The following LPA variants were observed in gnomAD, a reference collection of about 807,000 sequenced individuals.
The protein encoded by LPA is apolipoprotein(a).
In LPA, 199 loss-of-function variants were observed where a neutral mutation model predicts 197.9. That is an observed-to-expected ratio of 1.01 (90% confidence interval 0.90 to 1.13). The LOEUF is 1.13. LPA is among the 50% of genes most tolerant of loss of function. The probability of loss-of-function intolerance (pLI) is 0.00; values close to 1 mark genes in which losing one functional copy is unlikely to be tolerated. For missense variants in LPA, 1,853 were observed against 1,785.8 expected (o/e 1.04, Z -0.68); for synonymous variants, 715 against 639.5 (o/e 1.12, Z -1.78).
intron 28 of LPA, among the ~76,000 whole-genome samples, chr6:160,569,488 G>A (rs1320792499): frequency 2.7e-5 from 4 of 150,018 alleles, no homozygotes; most frequent in African/African-American, 9.7e-5. Flanking sequence ...AATTCAAGAT[G>A]GATTAAAGAC....
chr6:160,555,436 C>CAT (rs770158265), intron 30 of LPA, among the ~76,000 whole-genome samples: 3,631 of 121,942 alleles, frequency 0.03, 124 homozygotes, highest in Middle Eastern at 0.08. Flanking sequence ...TTCCCTAGAA[C>CAT]ATATATATAT....
At chr6:160,551,923 T>TC (rs200392037) in intron 30 of LPA, among the ~76,000 whole-genome samples, 2,937 of 151,618 alleles carry the variant, frequency 0.019, 84 homozygotes, top group African/African-American at 0.067. Flanking sequence ...CTTTTTTTTT[T>TC]TTTTTTTTGA....
intron 25 of LPA, among the ~76,000 whole-genome samples, chr6:160,585,927 A>G (rs1778902087): frequency 6.6e-6 from 1 of 152,122 alleles, no homozygotes; most frequent in Non-Finnish European, 1.5e-5. Context: ...CATGCCCAAG[A>G]TGAAGGTAGG....
chr6:160,641,161 C>A (rs1779847871), intron 4 of LPA, among the ~76,000 whole-genome samples: 1 of 116,212 alleles, frequency 8.6e-6, no homozygotes, highest in Non-Finnish European at 1.8e-5. Context: ...GCCTTCTGCC[C>A]AATCCATCTC....
intron 16 of LPA, among the ~76,000 whole-genome samples, chr6:160,609,458 TTTC>T (rs1285496081): frequency 2.6e-5 from 4 of 152,180 alleles, no homozygotes; most frequent in Non-Finnish European, 5.9e-5. Context: ...TCGTGAGATG[TTTC>T]TTCTTCTTAT....
At chr6:160,592,966 GC>G (rs1407517186) in intron 22 of LPA, among the ~76,000 whole-genome samples, 9 of 152,150 alleles carry the variant, frequency 5.9e-5, no homozygotes, top group African/African-American at 2.2e-4. Flanking sequence ...TTCCCCAGTA[GC>G]TTTTCTTTAT....
intron 30 of LPA, among the ~76,000 whole-genome samples, chr6:160,553,366 C>G (rs544523348): frequency 1.3e-5 from 2 of 152,262 alleles, no homozygotes; most frequent in East Asian, 1.9e-4. Context: ...AATACAGAAG[C>G]CTGCCTTGGA....
chr6:160,534,256 G>A (rs1777851089), intron 37 of LPA, among the ~76,000 whole-genome samples: 1 of 152,220 alleles, frequency 6.6e-6, no homozygotes, highest in Admixed American at 6.5e-5. Context: ...ATATTTTGCT[G>A]AAAGTTAAGT....
chr6:160,553,931 C>CTGTGTGTG (rs1354938548), intron 30 of LPA, among the ~76,000 whole-genome samples: 2 of 65,680 alleles, frequency 3.0e-5, no homozygotes, highest in African/African-American at 1.1e-4. Flanking sequence ...CTCTCTCTCT[C>CTGTGTGTG]TCTCTCTGTG....
rs754876758 is a variant in LPA, at chr6:160,650,482, C to T, written c.65G>A (p.Ser22Asn). ...LFLKSAAPEQ[S>N]HVVQDCYHGD... The stretch of plus-strand genomic sequence containing the variant: ...ATGGTAGCAATCCTGGACCACATGG[C>T]TTTGCTCAGGTGCTGCTAAAATTAA... The change falls in exon 2 of 39, where the codon AGC becomes AAC. Residue 22 changes from serine to asparagine, a missense_variant. Transcript: ENST00000316300. 3.1e-6 allele frequency: 5 copies of T among 1,613,630 alleles called. No individual in the cohort carries two copies. The South Asian group carries it at 5.5e-5, about 18-fold the overall frequency.
At chr6:160,560,635 TG>T (rs1403713259) in intron 28 of LPA, among the ~76,000 whole-genome samples, 3 of 152,112 alleles carry the variant, frequency 2.0e-5, no homozygotes, top group South Asian at 4.1e-4. Flanking sequence ...TTGATGGGGT[TG>T]TTTTTTTTTT....
At chr6:160,658,840 C>A (rs532815246) in intron 1 of LPA, among the ~76,000 whole-genome samples, 2 of 140,362 alleles carry the variant, frequency 1.4e-5, no homozygotes, top group African/African-American at 5.2e-5. Flanking sequence ...CTGTATTAGT[C>A]GGGGTTCTCT....
intron 16 of LPA, among the ~76,000 whole-genome samples, chr6:160,608,809 T>A (rs1779416534): frequency 7.6e-6 from 1 of 132,114 alleles, no homozygotes. Context: ...ATTTCACTAT[T>A]TCTTGAGGGT....
intron 37 of LPA, among the ~76,000 whole-genome samples, chr6:160,536,747 G>C (rs1367217242): frequency 6.6e-6 from 1 of 152,166 alleles, no homozygotes; most frequent in Non-Finnish European, 1.5e-5. Flanking sequence ...CCTGGCCTCA[G>C]TGCTCCCAGA....
intron 1 of LPA, among the ~76,000 whole-genome samples, chr6:160,662,255 T>G (rs889850247): frequency 6.6e-5 from 10 of 152,234 alleles, no homozygotes; most frequent in African/African-American, 2.4e-4. Context: ...AAAATGTAGA[T>G]GTATATTGCT....
chr6:160,596,538 A>C (rs1264973300), intron 20 of LPA, among the ~76,000 whole-genome samples: 1 of 152,034 alleles, frequency 6.6e-6, no homozygotes, highest in Non-Finnish European at 1.5e-5. Flanking sequence ...AACACTGAGA[A>C]TTTTTTTAAC....
chr6:160,562,316 T>A (rs1469891597), intron 28 of LPA, among the ~76,000 whole-genome samples: 1 of 152,244 alleles, frequency 6.6e-6, no homozygotes, highest in African/African-American at 2.4e-5. Context: ...TCTGCGTCTA[T>A]TGCGATAATC....
At chr6:160,611,068 T>C (rs1779497740) in intron 16 of LPA, among the ~76,000 whole-genome samples, 1 of 152,102 alleles carries the variant, frequency 6.6e-6, no homozygotes, top group Non-Finnish European at 1.5e-5. Flanking sequence ...TTCAGGCCAC[T>C]GGTACTTAGG....
chr6:160,561,419 G>T (rs945663354), intron 28 of LPA, among the ~76,000 whole-genome samples: 1 of 152,024 alleles, frequency 6.6e-6, no homozygotes, highest in Non-Finnish European at 1.5e-5. Context: ...CTGTTCTATT[G>T]GTCTATATAT....
Sources: gnomAD v4.1 joint callset for allele counts (sites outside exome capture counted in the v4.1 genomes callset) on GRCh38, gnomAD v4.1.1 for gene constraint, MANE v1.5 for transcripts, NCBI Gene and HGNC (gene_info 2026-07-23, HGNC 2026-07-21) for gene names.